DENND11: variants seen among roughly 807,000 people sequenced by gnomAD.
DENND11 encodes the protein DENN domain containing 11.
Under a neutral mutation model 49.2 loss-of-function variants are expected in DENND11, and 34 were observed. The ratio of observed to expected loss-of-function variants is 0.69; its 90% CI spans 0.53 to 0.92. The LOEUF (loss-of-function observed/expected upper bound fraction) is 0.92. DENND11 is among the 40% of genes least tolerant of loss of function. DENND11 has a pLI of 0.00. For synonymous variants in DENND11, 238 were observed against 230.3 expected (o/e 1.03, Z -0.30); for missense variants, 475 against 581.6 (o/e 0.82, Z 1.88).
rs539974583 is a variant in DENND11 at position 141,677,840 on chromosome 7, T to A, written c.528-3620A>T. Among the ~76,000 whole-genome samples, 4 of 152,280 alleles carry A rather than the reference T, an allele frequency of 2.6e-5. No individual in the cohort carries two copies. In the South Asian group the frequency reaches 8.3e-4, roughly 32 times the overall value. ...AACAGTGAAACAGTTAAATAAATTG[T>A]GATGTATCTATATACTGAAATGCTG... On this transcript the variant is annotated intron_variant, in intron 3 of 8. Coordinates refer to ENST00000536163, the MANE Select transcript of DENND11 (RefSeq NM_001080392.2).
At chr7:141,668,286 G>A (rs1412451185) in intron 4 of DENND11, among the ~76,000 whole-genome samples, 4 of 152,048 alleles carry the variant, frequency 2.6e-5, no homozygotes, top group African/African-American at 4.8e-5. Flanking sequence ...TTGAAGCTTC[G>A]ACATAAAGAT....
At position 141,665,069 on chromosome 7, in the gene DENND11, G is replaced by T. The variant is rs1374659910; in HGVS notation, c.953-15C>A. On this transcript the variant is annotated splice_polypyrimidine_tract_variant and intron_variant, in intron 6 of 8. Coordinates refer to ENST00000536163, the MANE Select transcript of DENND11 (RefSeq NM_001080392.2). ...CTCTGTGGTGCCTGTGGAACCCGGG[G>T]TTAGAGAGGTGGGAACCCACCCGAC... 1.2e-6 allele frequency: 2 copies of T among 1,612,990 alleles called. No homozygotes were observed. Among genetic ancestry groups the T allele is most frequent in the African/African-American group, 1.3e-5 (1 of 74,900 alleles).
intron 3 of DENND11, among the ~76,000 whole-genome samples, chr7:141,674,528 G>C (rs1798036020): frequency 6.6e-6 from 1 of 152,258 alleles, no homozygotes; most frequent in South Asian, 2.1e-4. Flanking sequence ...TTGTTCTTGA[G>C]CAAGGTACGC....
intron 1 of DENND11, among the ~76,000 whole-genome samples, chr7:141,690,284 G>T (rs983853952): frequency 3.9e-5 from 6 of 152,092 alleles, no homozygotes; most frequent in African/African-American, 1.4e-4. Flanking sequence ...ATAATAAAGG[G>T]CATCGGCTTC....
intron 1 of DENND11, among the ~76,000 whole-genome samples, chr7:141,694,494 C>T (rs547483768): frequency 6.6e-6 from 1 of 152,240 alleles, no homozygotes; most frequent in African/African-American, 2.4e-5. Context: ...CTCCTGGCCT[C>T]AAGAAATCCT....
intron 1 of DENND11, among the ~76,000 whole-genome samples, chr7:141,688,118 G>A (rs1798273193): frequency 6.6e-6 from 1 of 152,194 alleles, no homozygotes; most frequent in South Asian, 2.1e-4. Context: ...GCCTCGGGCT[G>A]CGGGAATCAG....
intron 3 of DENND11, among the ~76,000 whole-genome samples, chr7:141,680,368 C>A (rs13237197): frequency 1.3e-5 from 2 of 151,926 alleles, no homozygotes. Flanking sequence ...TATATACACA[C>A]ACACACACTT....
At chr7:141,678,142 A>G (rs184211661) in intron 3 of DENND11, among the ~76,000 whole-genome samples, 1 of 152,226 alleles carries the variant, frequency 6.6e-6, no homozygotes, top group East Asian at 1.9e-4. Flanking sequence ...TTTGTATTTT[A>G]GTAGAGACGG....
chr7:141,668,206 G>A (rs1292031482), intron 4 of DENND11, among the ~76,000 whole-genome samples: 2 of 152,198 alleles, frequency 1.3e-5, no homozygotes, highest in Non-Finnish European at 2.9e-5. Flanking sequence ...ATGGGGCATG[G>A]TGGAGCAAAC....
At position 141,686,554 on chromosome 7, in the gene DENND11, C is replaced by G. The variant is rs753936750; in HGVS notation, c.368+5G>C. On this transcript the variant is annotated splice_donor_5th_base_variant and intron_variant, in intron 2 of 8. Transcript: ENST00000536163. Reference sequence around the variant, plus strand: ...CGAAGATGACTCCAGTTCAGAAGTACTTACATGAAATCAGATTGGATTTTA... The same window carrying G: ...CGAAGATGACTCCAGTTCAGAAGTAGTTACATGAAATCAGATTGGATTTTA... 6.3e-7 allele frequency: 1 copy of G among 1,586,346 alleles called. No homozygotes were observed. The highest frequency in any genetic ancestry group is 8.6e-7 in the Non-Finnish European group (1 of 1,156,270).
intron 1 of DENND11, among the ~76,000 whole-genome samples, chr7:141,694,936 C>T (rs1584727215): frequency 6.6e-6 from 1 of 152,204 alleles, no homozygotes; most frequent in South Asian, 2.1e-4. Flanking sequence ...TCCCACCACA[C>T]ATAGTAATTC....
rs901339470 is a variant in DENND11, at chr7:141,662,461, A to G, written c.*195T>C. ...TTCCAATATCCTAACATGGCAGGACACAAAACCAAGGTGATCTCACCTTAT... is the reference window on the plus strand; with the variant it reads ...TTCCAATATCCTAACATGGCAGGACGCAAAACCAAGGTGATCTCACCTTAT... On this transcript the variant is annotated 3_prime_UTR_variant, in exon 9 of 9. Coordinates refer to ENST00000536163, the MANE Select transcript of DENND11 (RefSeq NM_001080392.2). 5 of 447,408 alleles carry G rather than the reference A, an allele frequency of 1.1e-5. No homozygotes were observed. The highest frequency in any genetic ancestry group is 1.0e-4 in the African/African-American group (5 of 49,358). The allele number at this position is 447,408 out of a possible 1,614,324, so 27.7% of individuals were successfully genotyped here.
chr7:141,670,311 G>A lies in DENND11; in HGVS notation c.681+3756C>T, dbSNP rs114697256. On this transcript the variant is annotated intron_variant, in intron 4 of 8. Coordinates refer to ENST00000536163, the MANE Select transcript of DENND11 (RefSeq NM_001080392.2). ...CTCTATCTAGACAGACACTGTGATT[G>A]TTTAACAACAGTGTAATCATATCAC... Among the ~76,000 whole-genome samples the A allele has an allele frequency of 2.5e-3, 385 of 152,254 alleles. 2 individuals carry two copies. The highest frequency in any genetic ancestry group is 9.0e-3 in the African/African-American group (373 of 41,542).
Position 141,674,562 on chromosome 7 carries a change from G to A in DENND11, c.528-342C>T, listed in dbSNP as rs185203382. Reference sequence around the variant, plus strand: ...GCCGGAGACTGGGTGCCACTTCCCAGAGAATGGCTGCTTCCTGTGAGAAGG... The same window carrying A: ...GCCGGAGACTGGGTGCCACTTCCCAAAGAATGGCTGCTTCCTGTGAGAAGG... On this transcript the variant is annotated intron_variant, in intron 3 of 8. Coordinates refer to ENST00000536163, the MANE Select transcript of DENND11 (RefSeq NM_001080392.2). Among the ~76,000 whole-genome samples the A allele has an allele frequency of 4.0e-3, 608 of 152,288 alleles. 4 individuals are homozygous for A. The highest frequency in any genetic ancestry group is 0.014 in the African/African-American group (565 of 41,568).
intron 2 of DENND11, among the ~76,000 whole-genome samples, chr7:141,686,178 C>T (rs1798240033): frequency 6.6e-6 from 1 of 152,188 alleles, no homozygotes; most frequent in South Asian, 2.1e-4. Flanking sequence ...TGCCCCACTA[C>T]ACAGGACTAA....
intron 1 of DENND11, among the ~76,000 whole-genome samples, chr7:141,687,143 TCTC>T (rs1798255671): frequency 6.6e-6 from 1 of 152,298 alleles, no homozygotes; most frequent in Middle Eastern, 3.4e-3. Flanking sequence ...CTCAAACATT[TCTC>T]CTCTTTTTCC....
chr7:141,682,513 C>T (rs1173797404), intron 3 of DENND11, among the ~76,000 whole-genome samples: 1 of 152,204 alleles, frequency 6.6e-6, no homozygotes, highest in Admixed American at 6.5e-5. Context: ...TATGTAAATT[C>T]TAGTCTTTCC....
chr7:141,673,086 A>C (rs1001437170), intron 4 of DENND11, among the ~76,000 whole-genome samples: 4 of 152,176 alleles, frequency 2.6e-5, no homozygotes, highest in African/African-American at 7.2e-5. Flanking sequence ...CCGTGTCCAC[A>C]TCTCTGCAAA....
At chr7:141,666,747 A>G (rs1284635934) in intron 4 of DENND11, among the ~76,000 whole-genome samples, 3 of 152,226 alleles carry the variant, frequency 2.0e-5, no homozygotes, top group African/African-American at 4.8e-5. Context: ...TTCAATAAGA[A>G]AACTCAACTC....
Sources: gnomAD v4.1 joint callset for allele counts (sites outside exome capture counted in the v4.1 genomes callset) on GRCh38, gnomAD v4.1.1 for gene constraint, MANE v1.5 for transcripts, NCBI Gene and HGNC (gene_info 2026-07-23, HGNC 2026-07-21) for gene names.